The following RABEP1 variants were observed in gnomAD, a reference collection of about 807,000 sequenced individuals.
RABEP1 encodes rab GTPase-binding effector protein 1.
RABEP1 carries 51 observed loss-of-function variants against 123.4 expected under a neutral mutation model. The ratio of observed to expected loss-of-function variants is 0.41; its 90% CI spans 0.33 to 0.52. The LOEUF (loss-of-function observed/expected upper bound fraction) is 0.52. Ranked by LOEUF, RABEP1 falls within the 20% of genes least tolerant of loss-of-function variation. The pLI, the probability that RABEP1 is intolerant of heterozygous loss-of-function variation, is 0.16. For synonymous variants in RABEP1, 347 were observed against 355.2 expected (o/e 0.98, Z 0.26); for missense variants, 888 against 996.3 (o/e 0.89, Z 1.46).
At chr17:5,283,280 A>G (rs1273449701) in intron 1 of RABEP1, among the ~76,000 whole-genome samples, 1 of 152,092 alleles carries the variant, frequency 6.6e-6, no homozygotes, top group Non-Finnish European at 1.5e-5. Context: ...TACTTGCACT[A>G]CTTGAAGATA....
chr17:5,331,088 T>A (rs1270713956), intron 2 of RABEP1, among the ~76,000 whole-genome samples: 1 of 150,018 alleles, frequency 6.7e-6, no homozygotes, highest in Non-Finnish European at 1.5e-5. Context: ...GGAAAAGTTT[T>A]GTAAGAGAAG....
At chr17:5,367,491 G>C (rs564420648) in intron 11 of RABEP1, among the ~76,000 whole-genome samples, 1 of 151,592 alleles carries the variant, frequency 6.6e-6, no homozygotes, top group Non-Finnish European at 1.5e-5. Context: ...GGCTGGTCTC[G>C]AACTCCTGAC....
At chr17:5,316,429 G>A (rs1432065818) in intron 2 of RABEP1, among the ~76,000 whole-genome samples, 32 of 106,478 alleles carry the variant, frequency 3.0e-4, no homozygotes, top group African/African-American at 1.1e-3. Context: ...CACCGTGGGC[G>A]ACAGAGTGAG....
At chr17:5,347,262 T>C (rs1908139181) in intron 6 of RABEP1, among the ~76,000 whole-genome samples, 1 of 152,058 alleles carries the variant, frequency 6.6e-6, no homozygotes, top group African/African-American at 2.4e-5. Flanking sequence ...AAACAAAAAT[T>C]ATCCAGGTGT....
chr17:5,361,663 C>A lies in RABEP1; in HGVS notation c.1551C>A (p.Leu517=). ...TAGTTAGTGAAACAGAATGGAATCT[C>A]TTGCAGAAAGAGGTGAGTTACCTTT... ...YRLVSETEWN[L]LQKEVHNAGN... The change falls in exon 9 of 18, where the codon CTC becomes CTA. Residue 517 remains leucine (L), a synonymous_variant. Coordinates refer to ENST00000537505, the MANE Select transcript of RABEP1 (RefSeq NM_004703.6). 6.2e-7 allele frequency: 1 copy of A among 1,603,370 alleles called. No individual in the cohort carries two copies. The highest frequency in any genetic ancestry group is 1.1e-5 in the South Asian group (1 of 89,356).
intron 2 of RABEP1, among the ~76,000 whole-genome samples, chr17:5,317,389 C>T (rs1287825960): frequency 6.6e-6 from 1 of 152,064 alleles, no homozygotes; most frequent in Non-Finnish European, 1.5e-5. Context: ...ATGATAAAAA[C>T]ACTAAAATAG....
intron 1 of RABEP1, among the ~76,000 whole-genome samples, chr17:5,303,333 C>T (rs1006054843): frequency 8.5e-5 from 13 of 152,082 alleles, no homozygotes; most frequent in African/African-American, 2.7e-4. Context: ...CCTCTGCCTC[C>T]CAGGTTCGAG....
chr17:5,361,443 G>C lies in RABEP1; in HGVS notation c.1331G>C (p.Gly444Ala). ...LDESDFGPLV[G>A]ADSVSENFDT... ...GAGTCAGATTTTGGACCACTGGTAGGAGCAGATTCAGTGTCTGAGAACTTT... is the reference window on the plus strand; with the variant it reads ...GAGTCAGATTTTGGACCACTGGTAGCAGCAGATTCAGTGTCTGAGAACTTT... The change falls in exon 9 of 18, where the codon GGA (glycine) becomes GCA (alanine). Residue 444 changes from glycine to alanine, a missense_variant. Coordinates refer to ENST00000537505, the MANE Select transcript of RABEP1 (RefSeq NM_004703.6). The C allele has an allele frequency of 6.2e-7, 1 of 1,614,168 alleles. No individual in the cohort carries two copies. The highest frequency in any genetic ancestry group is 8.5e-7 in the Non-Finnish European group (1 of 1,180,028).
rs1369700396 is a variant in RABEP1 at position 5,383,975 on chromosome 17, A to ACAGGGTAC, written c.*757_*764dup. 1 of 186,856 alleles carries ACAGGGTAC rather than the reference A, an allele frequency of 5.4e-6. No individual in the cohort carries two copies. Among genetic ancestry groups the ACAGGGTAC allele is most frequent in the East Asian group, 8.7e-5 (1 of 11,456 alleles). 11.6% of individuals were successfully genotyped at this position (186,856 alleles called of 1,614,324 possible). On this transcript the variant is annotated 3_prime_UTR_variant, in exon 18 of 18. Transcript: ENST00000537505. ...ATACTTAGATGATCTTCATGGGCCC[A>ACAGGGTAC]CAGGGTACCAGGATAAAGCCGAACT...
intron 1 of RABEP1, among the ~76,000 whole-genome samples, chr17:5,284,658 G>C (rs948610708): frequency 2.0e-5 from 3 of 151,936 alleles, no homozygotes; most frequent in Admixed American, 2.0e-4. Flanking sequence ...TAGATACGGC[G>C]TTTTGCCATG....
chr17:5,347,006 C>A, intron 6 of RABEP1, 81 bp downstream of exon 6: 1 of 1,140,670 alleles, frequency 8.8e-7, no homozygotes, highest in Non-Finnish European at 1.2e-6. Context: ...AGTGACAAAT[C>A]TTAAAATAAC....
chr17:5,302,385 C>T (rs1463036821), intron 1 of RABEP1, among the ~76,000 whole-genome samples: 5 of 151,326 alleles, frequency 3.3e-5, no homozygotes, highest in Admixed American at 6.6e-5. Context: ...GGACTACAGG[C>T]GTCCGCCACC....
At chr17:5,311,627 C>T (rs753287360) in intron 2 of RABEP1, among the ~76,000 whole-genome samples, 12 of 128,012 alleles carry the variant, frequency 9.4e-5, no homozygotes, top group South Asian at 5.4e-4. Flanking sequence ...ACCTGGGAGG[C>T]GGAGGTTGCA....
chr17:5,378,441 G>C, intron 15 of RABEP1: 1 of 645,410 alleles, frequency 1.5e-6, no homozygotes, highest in Non-Finnish European at 2.8e-6. Context: ...ACTGGAGGAG[G>C]TAAGGCTAAG....
At chr17:5,381,592 T>C (rs1209639630) in intron 17 of RABEP1, 87 bp downstream of exon 17, 2 of 1,507,322 alleles carry the variant, frequency 1.3e-6, no homozygotes, top group South Asian at 2.9e-5. Context: ...CCACTGGCAG[T>C]AGCTAGAGGT....
At position 5,385,015 on chromosome 17, in the gene RABEP1, T is replaced by C. The variant is rs1036644465; in HGVS notation, c.*1792T>C. 6 of 228,826 alleles carry C rather than the reference T, an allele frequency of 2.6e-5. No homozygotes were observed. The highest frequency in any genetic ancestry group is 1.3e-4 in the African/African-American group (6 of 45,108). The allele number at this position is 228,826 out of a possible 1,614,324, so 14.2% of individuals were successfully genotyped here. ...GACTGAACTAGAGCTTGCAGTGAAG[T>C]GTTCTGCTGAGACTGAGCACCTTAC... On this transcript the variant is annotated 3_prime_UTR_variant, in exon 18 of 18. Transcript: ENST00000537505.
chr17:5,358,108 GTTGT>G (rs1475640226), intron 8 of RABEP1, among the ~76,000 whole-genome samples: 4 of 152,112 alleles, frequency 2.6e-5, no homozygotes, highest in Non-Finnish European at 4.4e-5. Flanking sequence ...AGTTAGGTGA[GTTGT>G]TTATTATCTC....
rs561139536 is a variant in RABEP1, at chr17:5,314,367, T to C, written c.163+5545T>C. ...AAGTGATTCTCCTGCCTTAGCCTCC[T>C]AAGTAGCTGGGACTACAGGCGGGTG... On this transcript the variant is annotated intron_variant, in intron 2 of 17. Transcript: ENST00000537505. 2.1e-4 allele frequency among the ~76,000 whole-genome samples: 30 copies of C among 144,380 alleles called. 1 individual carries two copies. The South Asian group carries it at 6.6e-3, about 32-fold the overall frequency. The allele number at this position is 144,380 out of a possible 152,430, so 94.7% of individuals were successfully genotyped here.
intron 1 of RABEP1, among the ~76,000 whole-genome samples, chr17:5,292,843 C>T (rs533422048): frequency 2.0e-5 from 3 of 151,984 alleles, no homozygotes; most frequent in East Asian, 3.9e-4. Flanking sequence ...CACCATGCCT[C>T]GCTAGTTTTT....
Sources: gnomAD v4.1 joint callset for allele counts (sites outside exome capture counted in the v4.1 genomes callset) on GRCh38, gnomAD v4.1.1 for gene constraint, MANE v1.5 for transcripts, NCBI Gene and HGNC (gene_info 2026-07-23, HGNC 2026-07-21) for gene names.